Variants in C4orf51 observed in about 807,000 individuals in gnomAD.
The protein encoded by C4orf51 is uncharacterized protein C4orf51.
In C4orf51, 25 loss-of-function variants were observed where a neutral mutation model predicts 25.2. The ratio of observed to expected loss-of-function variants is 0.99; its 90% CI spans 0.72 to 1.39. The LOEUF (loss-of-function observed/expected upper bound fraction) is 1.39. C4orf51 is among the 40% of genes most tolerant of loss of function. The pLI, the probability that C4orf51 is intolerant of heterozygous loss-of-function variation, is 0.00. For synonymous variants in C4orf51, 100 were observed against 84.5 expected, an observed-to-expected ratio of 1.18 and a Z score of -1.01; for missense variants, 252 against 239.6, an observed-to-expected ratio of 1.05 and a Z score of -0.34.
chr4:145,761,450 G>C lies in C4orf51; in HGVS notation n.167-9538G>C, dbSNP rs1374531279. 3.1e-6 allele frequency: 4 copies of C among 1,289,868 alleles called. No individual in the cohort carries two copies. Among genetic ancestry groups the C allele is most frequent in the Non-Finnish European group, 1.0e-6 (1 of 988,866 alleles). 79.9% of individuals were successfully genotyped at this position (1,289,868 alleles called of 1,614,324 possible). A position where few individuals can be genotyped will look rare whatever the true frequency, so the allele number is the denominator to read the frequency against. ...TGGTCGCACTTGTAGTGGTTGCCCA[G>C]GCGGTGCTCCCGGGTGTGCGTCTCC... On this transcript the variant is annotated intron_variant and non_coding_transcript_variant, in intron 1 of 1. Transcript: ENST00000510096. The surrounding 1 kb of genome is among the most constrained non-coding windows in gnomAD (Gnocchi z 6.8).
Position 145,763,630 on chromosome 4 carries a change from G to A in C4orf51, n.167-7358G>A, listed in dbSNP as rs1012330461. On this transcript the variant is annotated intron_variant and non_coding_transcript_variant, in intron 1 of 1. Transcript: ENST00000510096. The surrounding 1 kb of genome is among the most constrained non-coding windows in gnomAD (Gnocchi z 4.6). ...AGCCACAACTGGCAGGGGCTGCAAT[G>A]TTCATGGGTGTGACTGGGCTACTGG... 6.6e-6 allele frequency among the ~76,000 whole-genome samples: 1 copy of A among 152,214 alleles called. No individual in the cohort carries two copies. Among genetic ancestry groups the A allele is most frequent in the African/African-American group, 2.4e-5 (1 of 41,448 alleles).
chr4:145,771,325 C>G (rs1273674835), downstream of C4orf51, among the ~76,000 whole-genome samples: 2 of 152,180 alleles, frequency 1.3e-5, no homozygotes, highest in East Asian at 3.8e-4. Context: ...ACAAATCCTT[C>G]TAGCTCTGGA....
intron 5 of C4orf51, among the ~76,000 whole-genome samples, chr4:145,730,758 GTA>G (rs1384821000): frequency 6.6e-6 from 1 of 151,708 alleles, no homozygotes; most frequent in Non-Finnish European, 1.5e-5. Context: ...CTACCTAACA[GTA>G]TCACAAGAAC....
chr4:145,776,505 A>G, the C4orf51 span, among the ~76,000 whole-genome samples: 1 of 151,768 alleles, frequency 6.6e-6, no homozygotes, highest in Non-Finnish European at 1.5e-5. Flanking sequence ...ACTAGAATAG[A>G]TAACCTGCTT....
intron 1 of C4orf51, among the ~76,000 whole-genome samples, chr4:145,749,696 G>A (rs1333711186): frequency 1.3e-5 from 2 of 151,910 alleles, no homozygotes; most frequent in Non-Finnish European, 2.9e-5. Context: ...GTGCAGTGGT[G>A]CAATCTCGCT....
chr4:145,714,395 C>G (rs1233595847), intron 2 of C4orf51, among the ~76,000 whole-genome samples: 1 of 152,204 alleles, frequency 6.6e-6, no homozygotes, highest in East Asian at 1.9e-4. Context: ...TAGCATGAAT[C>G]AAGGATCTAG....
chr4:145,789,178 G>C, the C4orf51 span, among the ~76,000 whole-genome samples: 1 of 152,074 alleles, frequency 6.6e-6, no homozygotes, highest in African/African-American at 2.4e-5. Context: ...TTAAATGGTG[G>C]GTCCTCGATA....
At chr4:145,774,125 GATA>G (rs1256086095), downstream of C4orf51, among the ~76,000 whole-genome samples, 1 of 152,144 alleles carries the variant, frequency 6.6e-6, no homozygotes, top group African/African-American at 2.4e-5. Context: ...TGTACAGTGT[GATA>G]ATAATAGTAT....
At chr4:145,755,147 A>G (rs1263645328), downstream of C4orf51, among the ~76,000 whole-genome samples, 1 of 152,186 alleles carries the variant, frequency 6.6e-6, no homozygotes, top group Non-Finnish European at 1.5e-5. Context: ...AAGTTGTAGA[A>G]TCATAGTTGA....
intron 1 of C4orf51, among the ~76,000 whole-genome samples, chr4:145,739,058 T>C (rs1199989152): frequency 2.0e-5 from 3 of 152,254 alleles, no homozygotes; most frequent in Non-Finnish European, 4.4e-5. Flanking sequence ...AAAGATTCTT[T>C]TACAGAATGA....
intron 2 of C4orf51, among the ~76,000 whole-genome samples, chr4:145,718,555 A>G (rs899898620): frequency 6.6e-6 from 1 of 152,256 alleles, no homozygotes; most frequent in African/African-American, 2.4e-5. Flanking sequence ...GTAAGAAGTC[A>G]CTGGACTACC....
intron 2 of C4orf51, among the ~76,000 whole-genome samples, chr4:145,706,754 C>A (rs1356269156): frequency 6.6e-6 from 1 of 151,978 alleles, no homozygotes; most frequent in African/African-American, 2.4e-5. Flanking sequence ...CATTCTTCTG[C>A]CTCAGCCTCC....
chr4:145,729,363 G>A (rs936631683), intron 4 of C4orf51, 134 bp downstream of exon 4: 13 of 548,722 alleles, frequency 2.4e-5, no homozygotes, highest in South Asian at 4.7e-5. Flanking sequence ...GTGCAGTGGC[G>A]CGATCTCGGC....
At chr4:145,698,204 C>T (rs527255256) in intron 2 of C4orf51, among the ~76,000 whole-genome samples, 1 of 152,068 alleles carries the variant, frequency 6.6e-6, no homozygotes, top group South Asian at 2.1e-4. Context: ...GGTTTGTACA[C>T]CAAAAGTATC....
the C4orf51 span, among the ~76,000 whole-genome samples, chr4:145,786,903 G>C: frequency 8.5e-5 from 13 of 152,176 alleles, no homozygotes; most frequent in African/African-American, 3.1e-4. Context: ...ACCTTGCAGT[G>C]TCACAGCTGT....
chr4:145,692,627 T>C (rs1183695865), intron 1 of C4orf51, among the ~76,000 whole-genome samples: 1 of 152,214 alleles, frequency 6.6e-6, no homozygotes, highest in Non-Finnish European at 1.5e-5. Context: ...CTAGTTTGTG[T>C]GCTGAATACA....
chr4:145,741,953 G>A (rs912180396), intron 1 of C4orf51, among the ~76,000 whole-genome samples: 1 of 152,026 alleles, frequency 6.6e-6, no homozygotes, highest in Non-Finnish European at 1.5e-5. Context: ...CGCCTGCCTC[G>A]GCCTCCCAAA....
chr4:145,682,921 T>A (rs1208709847), intron 1 of C4orf51, among the ~76,000 whole-genome samples: 1 of 152,020 alleles, frequency 6.6e-6, no homozygotes, highest in African/African-American at 2.4e-5. Context: ...TGAAATGGCA[T>A]ACAAATTGGG....
chr4:145,776,103 G>A, the C4orf51 span: 1 of 920,236 alleles, frequency 1.1e-6, no homozygotes, highest in Non-Finnish European at 1.6e-6. Flanking sequence ...CCTAGGAATT[G>A]TAAGTATCTA....
Sources: gnomAD v4.1 joint callset for allele counts (sites outside exome capture counted in the v4.1 genomes callset) on GRCh38, gnomAD v4.1.1 for gene constraint, Gnocchi (gnomAD v3.1) non-coding constraint, MANE v1.5 for transcripts, NCBI Gene and HGNC (gene_info 2026-07-23, HGNC 2026-07-21) for gene names.